MCM8: variants seen among roughly 807,000 people sequenced by gnomAD.
MCM8 encodes the protein DNA helicase MCM8.
A neutral mutation model predicts 98.9 loss-of-function variants in MCM8; 85 were observed. That is an observed-to-expected ratio of 0.86 (90% CI 0.72 to 1.03). The LOEUF (loss-of-function observed/expected upper bound fraction) is 1.03, where lower values mean the gene tolerates loss of function less well. Ranked by LOEUF, MCM8 falls within the 50% of genes least tolerant of loss-of-function variation. The probability of loss-of-function intolerance (pLI) is 0.00; values close to 1 mark genes in which losing one functional copy is unlikely to be tolerated. For synonymous variants in MCM8, 352 were observed against 338.6 expected (o/e 1.04, Z -0.44); for missense variants, 951 against 997.8 (o/e 0.95, Z 0.63).
chr20:5,981,703 A>G (rs2089634257), intron 13 of MCM8, among the ~76,000 whole-genome samples: 1 of 152,218 alleles, frequency 6.6e-6, no homozygotes, highest in South Asian at 2.1e-4. Context: ...TGAAGAAATA[A>G]CGTAGGAAGA....
Position 5,987,046 on chromosome 20 carries a change from C to G in MCM8, c.2164-236C>G, listed in dbSNP as rs138189087. Among the ~76,000 whole-genome samples, 525 of 152,100 alleles carry G rather than the reference C, an allele frequency of 3.5e-3. 6 individuals are homozygous for G. The highest frequency in any genetic ancestry group is 0.012 in the African/African-American group (492 of 41,480). The stretch of plus-strand genomic sequence containing the variant: ...CTCACTTTGTTGCTCAGGCTGGTCT[C>G]GAACTCCTGGGCTCAAGTGATCCTC... On this transcript the variant is annotated intron_variant, in intron 16 of 18. Transcript: ENST00000610722.
intron 11 of MCM8, 46 bp downstream of exon 11, chr20:5,972,083 C>A: frequency 2.1e-6 from 3 of 1,452,220 alleles, no homozygotes; most frequent in Non-Finnish European, 2.9e-6. Context: ...ATAAGGTTAG[C>A]AAAAATAACA....
chr20:5,955,178 T>C lies in MCM8; in HGVS notation c.413T>C (p.Ile138Thr). Reference sequence around the variant, plus strand: ...GAAGGTGGTGAAGTAACTAACTTGATACCAGATATAGCAACTGAACTAAGA... The same window carrying C: ...GAAGGTGGTGAAGTAACTAACTTGACACCAGATATAGCAACTGAACTAAGA... ...LTEGGEVTNLIPDIATELRDA... is the reference protein window; with the variant it reads ...LTEGGEVTNLTPDIATELRDA... The change falls in exon 5 of 19, where the codon ATA (isoleucine) becomes ACA (threonine). Residue 138 changes from isoleucine to threonine, a missense_variant. Coordinates refer to ENST00000610722, the MANE Select transcript of MCM8 (RefSeq NM_032485.6). The C allele has an allele frequency of 9.9e-6, 16 of 1,613,990 alleles. No individual in the cohort carries two copies. The highest frequency in any genetic ancestry group is 1.4e-5 in the Non-Finnish European group (16 of 1,179,906).
chr20:5,972,937 TATC>T, intron 11 of MCM8, 116 bp from the exon 12 acceptor site: 3 of 1,371,446 alleles, frequency 2.2e-6, no homozygotes, highest in South Asian at 1.5e-5. Context: ...AGAAAAAAAT[TATC>T]ATGCTTTTAA....
intron 15 of MCM8, among the ~76,000 whole-genome samples, chr20:5,985,225 C>T (rs1229113016): frequency 6.6e-6 from 1 of 152,060 alleles, no homozygotes; most frequent in Non-Finnish European, 1.5e-5. Flanking sequence ...GCAGGTGGAT[C>T]ATGAGGTCAA....
At chr20:5,961,406 G>A (rs2089140290) in intron 7 of MCM8, among the ~76,000 whole-genome samples, 2 of 152,300 alleles carry the variant, frequency 1.3e-5, no homozygotes, top group East Asian at 3.9e-4. Context: ...AATCCTTAGT[G>A]AGGTAAATAG....
In MCM8 at chr20:5,994,752, A is replaced by AT; in HGVS notation, c.*364dup. On this transcript the variant is annotated 3_prime_UTR_variant, in exon 19 of 19. Coordinates refer to ENST00000610722, the MANE Select transcript of MCM8 (RefSeq NM_032485.6). ...CATTTCTTAAAAAAAAAAAAAAAAA[A>AT]TTTAAACTTAGCTGGGTATGGTGGC... 4.4e-6 allele frequency: 2 copies of AT among 449,582 alleles called. No homozygotes were observed. The highest frequency in any genetic ancestry group is 1.6e-5 in the South Asian group (1 of 63,454). The allele number at this position is 449,582 out of a possible 1,614,324, so 27.8% of individuals were successfully genotyped here.
intron 16 of MCM8, 61 bp downstream of exon 16, chr20:5,986,192 TC>T (rs1360678011): frequency 2.0e-6 from 3 of 1,473,314 alleles, no homozygotes; most frequent in Non-Finnish European, 2.8e-6. Context: ...TGCCTTGACT[TC>T]TCTTTTGAAG....
intron 3 of MCM8, among the ~76,000 whole-genome samples, 167 bp from the exon 4 acceptor site, chr20:5,954,441 T>C (rs1045073006): frequency 2.0e-5 from 3 of 152,240 alleles, no homozygotes; most frequent in African/African-American, 2.4e-5. Context: ...AAATTTGTTT[T>C]AGAATCTTAA....
At position 5,962,363 on chromosome 20, in the gene MCM8, T is replaced by C. The variant is rs1249599952; in HGVS notation, c.790-911T>C. ...ATTAGCCTTCATTTCTTTTTTTTTT[T>C]TTTTTTTTTTTTTTTTTTTTTTGAG... On this transcript the variant is annotated intron_variant, in intron 7 of 18. Transcript: ENST00000610722. Among the ~76,000 whole-genome samples the C allele has an allele frequency of 7.7e-5, 3 of 39,212 alleles. 1 individual carries two copies. The highest frequency in any genetic ancestry group is 1.4e-3 in the African/African-American group (2 of 1,416). 25.7% of individuals were successfully genotyped at this position (39,212 alleles called of 152,430 possible). A position where few individuals can be genotyped will look rare whatever the true frequency, so the allele number is the denominator to read the frequency against.
Position 5,954,668 on chromosome 20 carries a change from G to C in MCM8, c.314G>C (p.Arg105Thr), listed in dbSNP as rs1346795261. 6.2e-7 allele frequency: 1 copy of C among 1,604,964 alleles called. No individual in the cohort carries two copies. The highest frequency in any genetic ancestry group is 1.1e-5 in the South Asian group (1 of 90,866). Residue 105 changes from arginine (R) to threonine (T), a missense_variant, in exon 4 of 19, where the codon AGG (arginine) becomes ACG (threonine). Arg to Thr is a moderately conservative substitution (Grantham distance 71, BLOSUM62 -1). Coordinates refer to ENST00000610722, the MANE Select transcript of MCM8 (RefSeq NM_032485.6). ...CAAGCATTTGAAAAATTTTTCACAA[G>C]GCATATTGATTTGTATGACAAGGTA... ...KIQAFEKFFT[R>T]HIDLYDKDEI... is the part of the protein sequence containing the mutation.
At chr20:5,985,400 C>T (rs1435945172) in intron 15 of MCM8, among the ~76,000 whole-genome samples, 4 of 142,910 alleles carry the variant, frequency 2.8e-5, no homozygotes, top group Non-Finnish European at 6.0e-5. Context: ...GCTGAGATCT[C>T]ACCACTGCAC....
In MCM8 at chr20:5,954,643, C is replaced by T. The variant is rs749329953; in HGVS notation, c.289C>T (p.Gln97Ter). Residue 97 changes from glutamine (Q) to a stop codon, truncating the protein, a stop_gained, in exon 4 of 19, where the codon CAA becomes TAA. Transcript: ENST00000610722. LOFTEE classifies it high-confidence loss of function. Reference sequence around the variant, plus strand: ...TAGCTCTCCTTTGATTGAGAAGATTCAAGCATTTGAAAAATTTTTCACAAG... The same window carrying T: ...TAGCTCTCCTTTGATTGAGAAGATTTAAGCATTTGAAAAATTTTTCACAAG... ...SDSSPLIEKIQAFEKFFTRHI... is the reference protein window; with the variant it reads ...SDSSPLIEKI 2 of 1,610,662 alleles carry T rather than the reference C, an allele frequency of 1.2e-6. No homozygotes were observed. The highest frequency in any genetic ancestry group is 1.7e-6 in the Non-Finnish European group (2 of 1,177,422).
At chr20:5,960,466 G>T (rs2089113365) in intron 7 of MCM8, among the ~76,000 whole-genome samples, 1 of 152,020 alleles carries the variant, frequency 6.6e-6, no homozygotes, top group East Asian at 1.9e-4. Flanking sequence ...ATTGATAGGA[G>T]TTCTTTATAC....
intron 2 of MCM8, 87 bp from the exon 3 acceptor site, chr20:5,952,337 T>C: frequency 6.4e-7 from 1 of 1,570,574 alleles, no homozygotes; most frequent in Non-Finnish European, 8.7e-7. Context: ...TTGGATACTC[T>C]ATTAATGAGA....
rs763542667 is a variant in MCM8, at chr20:5,958,609, A to G, written c.672A>G (p.Thr224=). The change falls in exon 7 of 19, where the codon ACA becomes ACG. Residue 224 remains threonine (T), a synonymous_variant. Transcript: ENST00000610722. ...GAAAATACATTGCTCTAAGAGGGAC[A>G]GTGGTTCGTGTCAGTAATATAAAGC... ...YYGKYIALRG[T]VVRVSNIKPL... 4 of 1,614,036 alleles carry G rather than the reference A, an allele frequency of 2.5e-6. No individual in the cohort carries two copies. The African/African-American group carries it at 5.3e-5, about 22-fold the overall frequency.
chr20:5,971,875 C>T (rs1243550146), intron 10 of MCM8, 132 bp from the exon 11 acceptor site: 2 of 648,680 alleles, frequency 3.1e-6, no homozygotes, highest in East Asian at 2.9e-5. Flanking sequence ...AATAAAATTT[C>T]AGTTGAGGGG....
intron 10 of MCM8, among the ~76,000 whole-genome samples, chr20:5,970,394 G>A (rs1285876964): frequency 1.3e-5 from 2 of 152,204 alleles, no homozygotes; most frequent in African/African-American, 4.8e-5. Context: ...CAGTGTAGGT[G>A]CCTTAACGAA....
chr20:5,969,717 G>C (rs1296960968), intron 10 of MCM8, among the ~76,000 whole-genome samples: 1 of 152,008 alleles, frequency 6.6e-6, no homozygotes, highest in East Asian at 1.9e-4. Flanking sequence ...GTAAAGAATA[G>C]TGCTCCACAG....
Sources: gnomAD v4.1 joint callset for allele counts (sites outside exome capture counted in the v4.1 genomes callset) on GRCh38, gnomAD v4.1.1 for gene constraint, MANE v1.5 for transcripts, NCBI Gene and HGNC (gene_info 2026-07-23, HGNC 2026-07-21) for gene names.